Variants in ADGRB3 observed in about 807,000 individuals in gnomAD.
The protein encoded by ADGRB3 is brain-specific angiogenesis inhibitor 3.
ADGRB3 carries 37 observed loss-of-function variants against 193.4 expected under a neutral mutation model. The observed-to-expected ratio is 0.19, with a 90% CI of 0.15 to 0.25. ADGRB3 has a LOEUF of 0.25. Among genes scored for constraint, ADGRB3 ranks in the 10% least tolerant of loss-of-function variants. The pLI, the probability that ADGRB3 is intolerant of heterozygous loss-of-function variation, is 1.00. For synonymous variants in ADGRB3, 690 were observed against 644.2 expected, an observed-to-expected ratio of 1.07 and a Z score of -1.08; for missense variants, 1,637 against 1,852.9, an observed-to-expected ratio of 0.88 and a Z score of 2.14.
rs539835222 is a variant in ADGRB3 at position 68,898,006 on chromosome 6, G to A, written c.758-32553G>A. On this transcript the variant is annotated intron_variant, in intron 3 of 31. Transcript: ENST00000370598. Reference sequence around the variant, plus strand: ...TACATATTATATATATAATAAAAATGTATATATATAGAGAGAGAGGGAGAG... The same window carrying A: ...TACATATTATATATATAATAAAAATATATATATATAGAGAGAGAGGGAGAG... Among the ~76,000 whole-genome samples, 9 of 146,138 alleles carry A rather than the reference G, an allele frequency of 6.2e-5. No homozygotes were observed. In the East Asian group the frequency reaches 1.6e-3, roughly 26 times the overall value.
chr6:68,791,280 A>G (rs1362976785), intron 3 of ADGRB3, among the ~76,000 whole-genome samples: 1 of 152,214 alleles, frequency 6.6e-6, no homozygotes, highest in African/African-American at 2.4e-5. Context: ...GCACGTAATT[A>G]CAGAGTGATT....
At chr6:69,165,286 A>G (rs763043502) in intron 17 of ADGRB3, among the ~76,000 whole-genome samples, 6 of 152,104 alleles carry the variant, frequency 3.9e-5, no homozygotes, top group Non-Finnish European at 8.8e-5. Flanking sequence ...GGTCAGCTCA[A>G]TAGAGGTGCA....
chr6:68,798,322 T>G (rs1405892978), intron 3 of ADGRB3, among the ~76,000 whole-genome samples: 1 of 152,210 alleles, frequency 6.6e-6, no homozygotes, highest in Non-Finnish European at 1.5e-5. Context: ...AAGAGATGAA[T>G]AAACACTGTG....
chr6:69,110,342 AAGATAG>A (rs1773335323), intron 17 of ADGRB3, among the ~76,000 whole-genome samples: 1 of 152,206 alleles, frequency 6.6e-6, no homozygotes, highest in African/African-American at 2.4e-5. Flanking sequence ...TGCTGAGTTA[AAGATAG>A]AATAAGACTA....
chr6:68,939,174 T>G (rs1767568930), intron 5 of ADGRB3, among the ~76,000 whole-genome samples: 1 of 152,164 alleles, frequency 6.6e-6, no homozygotes, highest in South Asian at 2.1e-4. Flanking sequence ...CTGTGTCCGA[T>G]GTCCAGAAGG....
At chr6:68,790,819 A>G (rs1427945947) in intron 3 of ADGRB3, among the ~76,000 whole-genome samples, 3 of 152,160 alleles carry the variant, frequency 2.0e-5, no homozygotes, top group Non-Finnish European at 4.4e-5. Context: ...AATGGTAGAT[A>G]AAACCACAAA....
chr6:69,228,864 C>CT (rs1766076403), intron 17 of ADGRB3, among the ~76,000 whole-genome samples: 1 of 151,844 alleles, frequency 6.6e-6, no homozygotes, highest in Non-Finnish European at 1.5e-5. Flanking sequence ...TGACTTAAAA[C>CT]AAGTTTCTAA....
intron 17 of ADGRB3, among the ~76,000 whole-genome samples, chr6:69,227,816 G>T (rs1302435341): frequency 6.6e-6 from 1 of 152,170 alleles, no homozygotes; most frequent in Non-Finnish European, 1.5e-5. Context: ...TTTGAAGACT[G>T]TAGCAAGTAG....
At chr6:68,838,396 A>T (rs1364354563) in intron 3 of ADGRB3, among the ~76,000 whole-genome samples, 1 of 152,102 alleles carries the variant, frequency 6.6e-6, no homozygotes, top group Non-Finnish European at 1.5e-5. Context: ...TTCTTTTCTC[A>T]CTCATAATAT....
chr6:69,288,052 A>T (rs963023336), intron 20 of ADGRB3, among the ~76,000 whole-genome samples: 2 of 151,822 alleles, frequency 1.3e-5, no homozygotes, highest in Non-Finnish European at 2.9e-5. Flanking sequence ...TTTGACACTA[A>T]TTTTTTTTAT....
intron 3 of ADGRB3, among the ~76,000 whole-genome samples, chr6:68,818,906 G>A (rs1284800740): frequency 2.0e-5 from 3 of 149,954 alleles, no homozygotes. Context: ...GGAATCTTCA[G>A]TATTTCTATG....
chr6:69,321,224 G>C (rs984372155), intron 20 of ADGRB3, among the ~76,000 whole-genome samples: 3 of 151,726 alleles, frequency 2.0e-5, no homozygotes, highest in African/African-American at 7.2e-5. Context: ...GGATGTACAT[G>C]AGAGTGTTAG....
At chr6:69,115,932 G>A (rs754316731) in intron 17 of ADGRB3, among the ~76,000 whole-genome samples, 7 of 152,184 alleles carry the variant, frequency 4.6e-5, no homozygotes, top group Non-Finnish European at 8.8e-5. Flanking sequence ...GAGAGAGAGG[G>A]AAAGACAAAA....
chr6:68,696,456 CA>C (rs1287209396), intron 3 of ADGRB3, among the ~76,000 whole-genome samples: 6 of 151,160 alleles, frequency 4.0e-5, no homozygotes, highest in Admixed American at 2.6e-4. Context: ...GGATTTTGCA[CA>C]ACCTAATTTG....
intron 3 of ADGRB3, among the ~76,000 whole-genome samples, chr6:68,785,523 A>T (rs1214641704): frequency 1.3e-5 from 2 of 151,840 alleles, no homozygotes; most frequent in Non-Finnish European, 1.5e-5. Flanking sequence ...TCCATGGTGT[A>T]TATGTGCCAC....
chr6:68,772,882 C>CAAACA (rs1378074569), intron 3 of ADGRB3, among the ~76,000 whole-genome samples: 24 of 23,912 alleles, frequency 1.0e-3, no homozygotes, highest in East Asian at 5.4e-3. Flanking sequence ...AACAAACAAA[C>CAAACA]AAAAAAAAAA....
Position 68,639,399 on chromosome 6 carries a change from C to T in ADGRB3, c.724C>T (p.Leu242Phe). ...GCTGCAAACCACCCAAGTCTGCAAT[C>T]TTACCAGGGAGGCCAAGCGACCACC... is the stretch of plus-strand genomic sequence containing the variant. ...QELQTTQVCN[L>F]TREAKRPPKE... is the part of the protein sequence containing the mutation. The change falls in exon 3 of 32, where the codon CTT becomes TTT. Residue 242 changes from leucine (L) to phenylalanine (F), a missense_variant. Transcript: ENST00000370598. The T allele has an allele frequency of 1.9e-6, 3 of 1,612,422 alleles. No homozygotes were observed. The highest frequency in any genetic ancestry group is 2.5e-6 in the Non-Finnish European group (3 of 1,179,220).
chr6:69,218,609 G>T (rs1029518974), intron 17 of ADGRB3, among the ~76,000 whole-genome samples: 1 of 152,136 alleles, frequency 6.6e-6, no homozygotes, highest in Admixed American at 6.6e-5. Context: ...GACTGAAAAA[G>T]TAAGTTCTTC....
At chr6:68,964,556 C>G (rs1422673827) in intron 8 of ADGRB3, among the ~76,000 whole-genome samples, 2 of 152,154 alleles carry the variant, frequency 1.3e-5, no homozygotes, top group East Asian at 3.8e-4. Flanking sequence ...ACGTAACTTT[C>G]CAGCAAAATG....
Sources: allele counts gnomAD v4.1 joint callset (sites outside exome capture counted in the v4.1 genomes callset), GRCh38; gene constraint gnomAD v4.1.1; transcripts MANE v1.5; gene names NCBI Gene and HGNC (gene_info 2026-07-23, HGNC 2026-07-21).